COX15: variants seen among roughly 807,000 people sequenced by gnomAD.
COX15 encodes the protein heme A synthase COX15.
In COX15, 51 loss-of-function variants were observed where a neutral mutation model predicts 51.9. The observed-to-expected ratio is 0.98, with a 90% CI of 0.78 to 1.24. The LOEUF (loss-of-function observed/expected upper bound fraction) is 1.24, where lower values mean the gene tolerates loss of function less well. COX15 is among the 50% of genes most tolerant of loss of function. The pLI, the probability that COX15 is intolerant of heterozygous loss-of-function variation, is 0.00. For missense variants in COX15, 420 were observed against 501.1 expected (o/e 0.84, Z 1.55); for synonymous variants, 188 against 190.5 (o/e 0.99, Z 0.11).
chr10:99,710,508 C>CT (rs1564641424), downstream of COX15: 1 of 985,248 alleles, frequency 1.0e-6, no homozygotes, highest in Admixed American at 6.2e-5. Context: ...TGTTAAGACT[C>CT]TGTTTTTTCT....
chr10:99,717,298 G>A (rs1354887220), intron 7 of COX15, among the ~76,000 whole-genome samples: 2 of 152,208 alleles, frequency 1.3e-5, no homozygotes, highest in Non-Finnish European at 2.9e-5. Flanking sequence ...CAAGCATGCT[G>A]TAGAAGAAAC....
Position 99,713,745 on chromosome 10 carries a change from G to A in COX15, c.*842C>T, listed in dbSNP as rs186268155. On this transcript the variant is annotated 3_prime_UTR_variant, in exon 9 of 9. Coordinates refer to ENST00000016171, the MANE Select transcript of COX15 (RefSeq NM_078470.6). ...AGCACTTTGGGAAGCCGAGATGGGC[G>A]GATTACCTGAGGTCAGGAGTTCAAG... 5.9e-4 allele frequency: 294 copies of A among 499,926 alleles called. 2 individuals are homozygous for A. Among genetic ancestry groups the A allele is most frequent in the African/African-American group, 5.1e-3 (263 of 51,178 alleles). The allele number at this position is 499,926 out of a possible 1,614,324, so 31.0% of individuals were successfully genotyped here.
intron 6 of COX15, 84 bp from the exon 7 acceptor site, chr10:99,718,584 T>C: frequency 1.4e-6 from 2 of 1,436,464 alleles, no homozygotes; most frequent in South Asian, 1.1e-5. Flanking sequence ...AAGTCTGTTA[T>C]CCCAGAGTTA....
At position 99,716,443 on chromosome 10, in the gene COX15, CAGTGACTGA is replaced by C; in HGVS notation, c.997_1005del (p.Ser333_Thr335del). On this transcript the variant is annotated inframe_deletion, in exon 8 of 9. Coordinates refer to ENST00000016171, the MANE Select transcript of COX15 (RefSeq NM_078470.6). ...GAGAGGAAGTAGAGCACTGTAATGG[CAGTGACTGA>C]AGTGATTCCCTGCAGGGAAGAAAGA... 1 of 1,612,890 alleles carries C rather than the reference CAGTGACTGA, an allele frequency of 6.2e-7. No individual in the cohort carries two copies. The highest frequency in any genetic ancestry group is 1.3e-5 in the African/African-American group (1 of 75,000).
intron 7 of COX15, 184 bp from the exon 8 acceptor site, chr10:99,716,645 T>C (rs1220459207): frequency 8.9e-6 from 5 of 563,638 alleles, no homozygotes; most frequent in African/African-American, 1.9e-5. Context: ...CATCCTCTTC[T>C]GCTTGCCACT....
chr10:99,712,255 C>G lies in COX15; in HGVS notation c.*2332G>C, dbSNP rs896475181. ...GTACACTACAGGTCACAGAAACTTA[C>G]AGAGTACTGGAGTTGAAAGAGAACT... On this transcript the variant is annotated 3_prime_UTR_variant, in exon 9 of 9. Transcript: ENST00000016171. The G allele has an allele frequency of 4.1e-6, 4 of 985,328 alleles. No homozygotes were observed. The highest frequency in any genetic ancestry group is 4.7e-5 in the South Asian group (1 of 21,288). The allele number at this position is 985,328 out of a possible 1,614,324, so 61.0% of individuals were successfully genotyped here. A position where few individuals can be genotyped will look rare whatever the true frequency, so the allele number is the denominator to read the frequency against.
chr10:99,724,198 T>G, intron 4 of COX15, 75 bp from the exon 5 acceptor site: 1 of 1,565,388 alleles, frequency 6.4e-7, no homozygotes, highest in Non-Finnish European at 8.8e-7. Context: ...TTTGTTGTTT[T>G]TTTGAGACAG....
chr10:99,714,646 A>C lies in COX15; in HGVS notation c.1174T>G (p.Leu392Val). ...PLAATHQSGS[L>V]ALLTGALWLM... ...CAAAGAGCACCAGTGAGCAAAGCCA[A>C]GGAGCCTGACTGGTGAGTGGCGGCC... The change falls in exon 9 of 9, where the codon TTG (leucine) becomes GTG (valine). Residue 392 changes from leucine (L) to valine (V), a missense_variant. Coordinates refer to ENST00000016171, the MANE Select transcript of COX15 (RefSeq NM_078470.6). 1 of 1,614,156 alleles carries C rather than the reference A, an allele frequency of 6.2e-7. No individual in the cohort carries two copies. The highest frequency in any genetic ancestry group is 1.7e-4 in the Middle Eastern group (1 of 6,036).
intron 6 of COX15, among the ~76,000 whole-genome samples, chr10:99,718,947 A>C (rs2133587030): frequency 6.6e-6 from 1 of 152,276 alleles, no homozygotes; most frequent in Middle Eastern, 3.4e-3. Context: ...TCGCTTGATG[A>C]TCCTAGCCCA....
Position 99,711,720 on chromosome 10 carries a change from G to A in COX15, c.*2867C>T. On this transcript the variant is annotated 3_prime_UTR_variant, in exon 9 of 9. Transcript: ENST00000016171. ...AAGATTCAAATAAGAGAGAAGTTGG[G>A]AATCTCTTCTAGGCAATAGCATAAG... 1 of 985,378 alleles carries A rather than the reference G, an allele frequency of 1.0e-6. No homozygotes were observed. Among genetic ancestry groups the A allele is most frequent in the Non-Finnish European group, 1.2e-6 (1 of 829,942 alleles). The allele number at this position is 985,378 out of a possible 1,614,324, so 61.0% of individuals were successfully genotyped here. A position where few individuals can be genotyped will look rare whatever the true frequency, so the allele number is the denominator to read the frequency against.
chr10:99,724,516 G>A (rs1181999516), intron 4 of COX15, among the ~76,000 whole-genome samples: 2 of 152,070 alleles, frequency 1.3e-5, no homozygotes, highest in African/African-American at 4.8e-5. Flanking sequence ...TGAGCTATCA[G>A]GAGTACTCTC....
At chr10:99,721,191 G>C (rs2036758551) in intron 5 of COX15, 123 bp from the exon 6 acceptor site, 1 of 730,532 alleles carries the variant, frequency 1.4e-6, no homozygotes, top group African/African-American at 1.7e-5. Context: ...CCCTAGACTA[G>C]GTTAAGTACT....
intron 6 of COX15, among the ~76,000 whole-genome samples, chr10:99,719,627 A>C (rs1327458196): frequency 6.6e-6 from 1 of 151,914 alleles, no homozygotes. Flanking sequence ...AGTAGCTGAG[A>C]CTACAGGTGA....
In COX15 at chr10:99,723,980, C is replaced by G. The variant is rs1216358149; in HGVS notation, c.726G>C (p.Leu242=). 1 of 1,613,940 alleles carries G rather than the reference C, an allele frequency of 6.2e-7. No homozygotes were observed. Among genetic ancestry groups the G allele is most frequent in the South Asian group, 1.1e-5 (1 of 91,070 alleles). ...CCTTGTGCGGAGGGAGTAGCAGTGACAGTGAGGTCCACAAGCTGGCACAAT... is the reference window on the plus strand; with the variant it reads ...CCTTGTGCGGAGGGAGTAGCAGTGAGAGTGAGGTCCACAAGCTGGCACAAT... ...VLYCASLWTS[L]SLLLPPHKLP... Residue 242 remains leucine, a synonymous_variant, in exon 5 of 9, where the codon CTG becomes CTC. Coordinates refer to ENST00000016171, the MANE Select transcript of COX15 (RefSeq NM_078470.6).
chr10:99,709,970 T>C, downstream of COX15: 1 of 985,446 alleles, frequency 1.0e-6, no homozygotes, highest in Non-Finnish European at 1.2e-6. Flanking sequence ...TTTTAAAATG[T>C]AATCCATCAT....
At chr10:99,699,557 T>A in the COX15 span, among the ~76,000 whole-genome samples, 1 of 152,116 alleles carries the variant, frequency 6.6e-6, no homozygotes, top group South Asian at 2.1e-4. Flanking sequence ...AATGGGAGAA[T>A]CTGTCCTCAT....
At chr10:99,695,921 T>C in the COX15 span, 4 of 1,573,136 alleles carry the variant, frequency 2.5e-6, no homozygotes, top group East Asian at 6.8e-5. Flanking sequence ...CAACCAAAAC[T>C]AAAATTCCCT....
chr10:99,704,634 T>C, the COX15 span: 1 of 1,614,008 alleles, frequency 6.2e-7, no homozygotes. Flanking sequence ...TTGGACTTGC[T>C]GTGGCTTGAA....
At chr10:99,707,931 G>C (rs1212029847), downstream of COX15, among the ~76,000 whole-genome samples, 1 of 152,150 alleles carries the variant, frequency 6.6e-6, no homozygotes, top group African/African-American at 2.4e-5. Context: ...AAATTCAGGG[G>C]GTACAAGTGC....
Sources: allele counts gnomAD v4.1 joint callset (sites outside exome capture counted in the v4.1 genomes callset), GRCh38; gene constraint gnomAD v4.1.1; transcripts MANE v1.5; gene names NCBI Gene and HGNC (gene_info 2026-07-23, HGNC 2026-07-21).